POLRMT: variants seen among roughly 807,000 people sequenced by gnomAD.
POLRMT encodes DNA-directed RNA polymerase, mitochondrial.
Under a neutral mutation model 132.2 loss-of-function variants are expected in POLRMT, and 114 were observed. That is an observed-to-expected ratio of 0.86 (90% CI 0.74 to 1.01). The LOEUF (loss-of-function observed/expected upper bound fraction) is 1.01, where lower values mean the gene tolerates loss of function less well. POLRMT is among the 50% of genes least tolerant of loss of function. The pLI is 0.00. For missense variants in POLRMT, 2,003 were observed against 1,729.1 expected (o/e 1.16, Z -2.81); for synonymous variants, 1,020 against 773.4 (o/e 1.32, Z -5.29).
At position 622,814 on chromosome 19, in the gene POLRMT, G is replaced by A. The variant is rs1200694908; in HGVS notation, c.1455+7C>T. On this transcript the variant is annotated splice_region_variant and intron_variant, in intron 7 of 20. Transcript: ENST00000588649. ...CCGGGGACCCGGCCGCGCGGAGGAA[G>A]ACGCACCTGCAGGAGCATCCGCACC... The A allele has an allele frequency of 6.3e-7, 1 of 1,586,164 alleles. No individual in the cohort carries two copies. The highest frequency in any genetic ancestry group is 1.3e-5 in the African/African-American group (1 of 74,216).
intron 10 of POLRMT, 82 bp downstream of exon 10, chr19:620,976 G>A (rs1256048240): frequency 1.1e-5 from 9 of 795,694 alleles, no homozygotes; most frequent in Non-Finnish European, 1.5e-5. Flanking sequence ...GGGGCGCGGG[G>A]GCGCCGGGGG....
At chr19:627,500 C>A (rs1985109433) in intron 3 of POLRMT, among the ~76,000 whole-genome samples, 1 of 152,012 alleles carries the variant, frequency 6.6e-6, no homozygotes, top group South Asian at 2.1e-4. Context: ...ACCTCACTGG[C>A]CACACATAGT....
At chr19:617,347 G>C in intron 20 of POLRMT, 24 bp from the exon 21 acceptor site, 1 of 1,612,708 alleles carries the variant, frequency 6.2e-7, no homozygotes, top group Non-Finnish European at 8.5e-7. Flanking sequence ...AGAGCGGACG[G>C]CGTGGGTGGC....
At position 617,556 on chromosome 19, in the gene POLRMT, A is replaced by G; in HGVS notation, c.3581+14T>C. 6.2e-7 allele frequency: 1 copy of G among 1,611,214 alleles called. No individual in the cohort carries two copies. The highest frequency in any genetic ancestry group is 8.5e-7 in the Non-Finnish European group (1 of 1,179,808). On this transcript the variant is annotated intron_variant, in intron 19 of 20. Transcript: ENST00000588649. ...GGGGGGAATCCAGGTAGTTGGGGTC[A>G]GGGAGCGCCTTACTCAGAGCAGAAC... is the stretch of plus-strand genomic sequence containing the variant.
chr19:628,474 G>T (rs72974157), intron 3 of POLRMT, among the ~76,000 whole-genome samples: 14,396 of 152,222 alleles, frequency 0.095, 932 homozygotes, highest in East Asian at 0.26. Context: ...CCTGAATTTC[G>T]CTGTTTGATG....
In POLRMT at chr19:622,578, T is replaced by C; in HGVS notation, c.1626+4A>G. 1 of 1,596,360 alleles carries C rather than the reference T, an allele frequency of 6.3e-7. No individual in the cohort carries two copies. The highest frequency in any genetic ancestry group is 8.5e-7 in the Non-Finnish European group (1 of 1,171,176). ...GCCAGGAGGAGAGGGGGTGCGAGCCTCACCTCGGCGTCGGAGGCCAGCAAG... is the reference window on the plus strand; with the variant it reads ...GCCAGGAGGAGAGGGGGTGCGAGCCCCACCTCGGCGTCGGAGGCCAGCAAG... On this transcript the variant is annotated splice_donor_region_variant and intron_variant, in intron 8 of 20. Transcript: ENST00000588649.
Position 622,007 on chromosome 19 carries a change from G to A in POLRMT, c.1851+142C>T. 3.5e-6 allele frequency: 4 copies of A among 1,132,098 alleles called. No individual in the cohort carries two copies. In the South Asian group the frequency reaches 4.7e-5, roughly 13 times the overall value. The allele number at this position is 1,132,098 out of a possible 1,614,324, so 70.1% of individuals were successfully genotyped here. A position where few individuals can be genotyped will look rare whatever the true frequency, so the allele number is the denominator to read the frequency against. On this transcript the variant is annotated intron_variant, in intron 9 of 20. Coordinates refer to ENST00000588649, the MANE Select transcript of POLRMT (RefSeq NM_005035.4). ...TCCAGAAACGGCCGGACACCTGCAT[G>A]GACACCCATGGTGTGTCCCGAGTCC...
intron 10 of POLRMT, among the ~76,000 whole-genome samples, 188 bp downstream of exon 10, chr19:620,870 G>A (rs1485405270): frequency 1.1e-5 from 1 of 90,984 alleles, no homozygotes; most frequent in Non-Finnish European, 2.2e-5. Flanking sequence ...GGAGGAGAGC[G>A]GGCGGGGGAC....
At chr19:632,289 G>A (rs952252978) in intron 2 of POLRMT, among the ~76,000 whole-genome samples, 35 of 152,174 alleles carry the variant, frequency 2.3e-4, no homozygotes, top group African/African-American at 8.2e-4. Context: ...GCTGCCTAAT[G>A]GACGCAGACA....
chr19:624,730 C>A lies in POLRMT; in HGVS notation c.1129G>T (p.Val377Leu). 8 of 1,613,152 alleles carry A rather than the reference C, an allele frequency of 5.0e-6. No individual in the cohort carries two copies. The highest frequency in any genetic ancestry group is 6.8e-6 in the Non-Finnish European group (8 of 1,179,580). The change falls in exon 5 of 21, where the codon GTG (valine) becomes TTG (leucine). Residue 377 changes from valine (V) to leucine (L), a missense_variant. Coordinates refer to ENST00000588649, the MANE Select transcript of POLRMT (RefSeq NM_005035.4). ...CCACGTGGGCTCACCTTGGCATACACGTCCCTGAGCAGCTTGGAGGTGTTG... is the reference window on the plus strand; with the variant it reads ...CCACGTGGGCTCACCTTGGCATACAAGTCCCTGAGCAGCTTGGAGGTGTTG... ...PVNTSKLLRD[V>L]YAKDGRVSYP... is the part of the protein sequence containing the mutation.
chr19:617,498 G>C lies in POLRMT; in HGVS notation c.3582-18C>G. The stretch of plus-strand genomic sequence containing the variant: ...TCTGGGGCCTGGGGTTGGAAGCAGG[G>C]TGGGGTGAGGCTGAGGCCAGGTTTT... On this transcript the variant is annotated intron_variant, in intron 19 of 20. Coordinates refer to ENST00000588649, the MANE Select transcript of POLRMT (RefSeq NM_005035.4). 1.2e-6 allele frequency: 2 copies of C among 1,610,552 alleles called. No individual in the cohort carries two copies. The highest frequency in any genetic ancestry group is 1.7e-6 in the Non-Finnish European group (2 of 1,179,232).
rs781541521 is a variant in POLRMT at position 621,044 on chromosome 19, G to C, written c.2640+14C>G. ...GTGCCGGGAGGGCGGGGAATGCGGG[G>C]GCCCCGCCCCTACCGTCAAGGGTTG... On this transcript the variant is annotated intron_variant, in intron 10 of 20. Transcript: ENST00000588649. 1 of 1,569,126 alleles carries C rather than the reference G, an allele frequency of 6.4e-7. No individual in the cohort carries two copies. Among genetic ancestry groups the C allele is most frequent in the African/African-American group, 1.6e-5 (1 of 64,482 alleles).
chr19:630,499 A>G (rs1381929211), intron 2 of POLRMT, among the ~76,000 whole-genome samples: 1 of 151,790 alleles, frequency 6.6e-6, no homozygotes, highest in Non-Finnish European at 1.5e-5. Context: ...GGTCTGTGAC[A>G]ACTCCCTCCG....
chr19:622,532 G>A (rs1242857496), intron 8 of POLRMT, 50 bp downstream of exon 8: 3 of 1,534,534 alleles, frequency 2.0e-6, no homozygotes, highest in South Asian at 1.2e-5. Context: ...GAGGGAGAGC[G>A]CCCACCCACC....
chr19:632,668 C>T (rs542329463), intron 2 of POLRMT, among the ~76,000 whole-genome samples, 166 bp downstream of exon 2: 1 of 152,322 alleles, frequency 6.6e-6, no homozygotes, highest in African/African-American at 2.4e-5. Context: ...AGGACAGGGC[C>T]CATGAGCGGT....
chr19:617,547 G>A (rs775614493), intron 19 of POLRMT, 23 bp downstream of exon 19: 7 of 1,610,656 alleles, frequency 4.3e-6, no homozygotes, highest in Non-Finnish European at 5.9e-6. Flanking sequence ...AATCCAGGTA[G>A]TTGGGGTCAG....
intron 6 of POLRMT, 98 bp from the exon 7 acceptor site, chr19:623,083 G>T (rs41544516): frequency 8.6e-6 from 12 of 1,387,586 alleles, no homozygotes; most frequent in Admixed American, 4.5e-5. Context: ...AGACCTCATG[G>T]CCCTCAAGGT....
chr19:624,019 TA>T (rs1193505427), intron 5 of POLRMT, among the ~76,000 whole-genome samples: 1 of 152,196 alleles, frequency 6.6e-6, no homozygotes, highest in Non-Finnish European at 1.5e-5. Flanking sequence ...CACGTCCACA[TA>T]AAAGCTTGTA....
intron 10 of POLRMT, among the ~76,000 whole-genome samples, 183 bp downstream of exon 10, chr19:620,875 G>A (rs1316654895): frequency 3.8e-5 from 3 of 79,882 alleles, no homozygotes; most frequent in Non-Finnish European, 7.5e-5. Context: ...AGAGCGGGCG[G>A]GGGACGTGGG....
Sources: gnomAD v4.1 joint callset for allele counts (sites outside exome capture counted in the v4.1 genomes callset) on GRCh38, gnomAD v4.1.1 for gene constraint, MANE v1.5 for transcripts, NCBI Gene and HGNC (gene_info 2026-07-23, HGNC 2026-07-21) for gene names.